The following LAMC1 variants were observed in gnomAD, a reference collection of about 807,000 sequenced individuals.
The protein encoded by LAMC1 is laminin subunit gamma 1, also known as laminin subunit gamma-1.
Under a neutral mutation model 173.6 loss-of-function variants are expected in LAMC1, and 38 were observed. The observed-to-expected ratio is 0.22, with a 90% confidence interval of 0.17 to 0.29. LAMC1 has a LOEUF of 0.29. Among genes scored for constraint, LAMC1 ranks in the 10% least tolerant of loss-of-function variants. The pLI, the probability that LAMC1 is intolerant of heterozygous loss-of-function variation, is 1.00. For synonymous variants in LAMC1, 746 were observed against 749.1 expected (o/e 1.00, Z 0.07); for missense variants, 1,824 against 2,051.8 (o/e 0.89, Z 2.14).
chr1:183,105,841 C>T (rs1367980643), intron 2 of LAMC1, among the ~76,000 whole-genome samples: 1 of 152,208 alleles, frequency 6.6e-6, no homozygotes, highest in Non-Finnish European at 1.5e-5. Flanking sequence ...CTAAACCTCC[C>T]TGCAGAAGCT....
intron 27 of LAMC1, chr1:183,140,715 A>C (rs1657090316): frequency 5.8e-6 from 2 of 344,220 alleles, no homozygotes; most frequent in Non-Finnish European, 1.0e-5. Flanking sequence ...AGGGTCTTTA[A>C]GAGCAACTTG....
At chr1:183,109,593 T>C (rs1296159395) in intron 3 of LAMC1, among the ~76,000 whole-genome samples, 1 of 152,198 alleles carries the variant, frequency 6.6e-6, no homozygotes, top group Non-Finnish European at 1.5e-5. Flanking sequence ...TCAAAGTTTG[T>C]GCAGCAGTCA....
intron 19 of LAMC1, 151 bp downstream of exon 19, chr1:183,130,700 C>T: frequency 1.6e-6 from 1 of 635,066 alleles, no homozygotes; most frequent in East Asian, 2.7e-5. Context: ...AGCCACATTG[C>T]TCATAGTTGG....
chr1:183,118,955 A>G (rs1656395341), intron 11 of LAMC1, among the ~76,000 whole-genome samples: 1 of 151,962 alleles, frequency 6.6e-6, no homozygotes, highest in South Asian at 2.1e-4. Flanking sequence ...CTGTGGTGCA[A>G]TAGCATGATC....
chr1:183,120,558 G>T (rs1009548942), intron 11 of LAMC1, among the ~76,000 whole-genome samples: 1 of 152,094 alleles, frequency 6.6e-6, no homozygotes, highest in African/African-American at 2.4e-5. Flanking sequence ...TGAAAAATAC[G>T]CTTTAAGCAT....
chr1:183,085,246 A>G (rs758602429), intron 1 of LAMC1, among the ~76,000 whole-genome samples: 1 of 151,508 alleles, frequency 6.6e-6, no homozygotes, highest in Non-Finnish European at 1.5e-5. Flanking sequence ...TTATGAAATC[A>G]TCCATTTGGG....
At chr1:183,137,147 A>G (rs1162323985) in intron 25 of LAMC1, among the ~76,000 whole-genome samples, 1 of 152,208 alleles carries the variant, frequency 6.6e-6, no homozygotes, top group Non-Finnish European at 1.5e-5. Context: ...AGAATTAGGT[A>G]TTTAAGAATC....
intron 6 of LAMC1, among the ~76,000 whole-genome samples, chr1:183,115,972 CA>C (rs886489800): frequency 6.6e-6 from 1 of 151,582 alleles, no homozygotes; most frequent in Non-Finnish European, 1.5e-5. Flanking sequence ...ACTAAAAATA[CA>C]AAAAAAATTA....
Position 183,140,245 on chromosome 1 carries a change from C to CA in LAMC1, c.4474-139dup, listed in dbSNP as rs56152259. Reference sequence around the variant, plus strand: ...ATATGAAGATATGCAGCAGCCCCACCAAAAAAAAAAAAAAAAAAAAGCAAT... The same window carrying CA: ...ATATGAAGATATGCAGCAGCCCCACCAAAAAAAAAAAAAAAAAAAAAGCAAT... On this transcript the variant is annotated intron_variant, in intron 26 of 27. Transcript: ENST00000258341. Among the ~76,000 whole-genome samples, 508 of 52,808 alleles carry CA rather than the reference C, an allele frequency of 9.6e-3. 22 individuals carry two copies. Among genetic ancestry groups the CA allele is most frequent in the African/African-American group, 0.013 (186 of 14,102 alleles). The allele number at this position is 52,808 out of a possible 152,430, so 34.6% of individuals were successfully genotyped here.
At chr1:183,042,477 TAC>T (rs1216820989) in intron 1 of LAMC1, among the ~76,000 whole-genome samples, 1 of 152,176 alleles carries the variant, frequency 6.6e-6, no homozygotes, top group African/African-American at 2.4e-5. Context: ...ACAGATCTAT[TAC>T]AGTGATGGAT....
chr1:183,096,268 C>T (rs575894106), intron 1 of LAMC1, among the ~76,000 whole-genome samples: 12 of 152,276 alleles, frequency 7.9e-5, no homozygotes, highest in East Asian at 7.7e-4. Flanking sequence ...ATAGAGATTA[C>T]GGATTTATCT....
At chr1:183,076,219 TC>T (rs1655116788) in intron 1 of LAMC1, among the ~76,000 whole-genome samples, 1 of 152,198 alleles carries the variant, frequency 6.6e-6, no homozygotes, top group African/African-American at 2.4e-5. Context: ...ATATGAAGAA[TC>T]CCATCACCCT....
rs56123159 is a variant in LAMC1, at chr1:183,131,462, T to TGTGTGTGTGTGTGTGTG, written c.3566+84_3566+85insGTGTGTGTGTGTGTGTG. ...GTGTGTGTGTGTGTGTGTGTGTGTA[T>TGTGTGTGTGTGTGTGTG]TGTCTTATCCCATAACCCATAAACA... On this transcript the variant is annotated intron_variant, in intron 20 of 27. Transcript: ENST00000258341. 53 of 837,996 alleles carry TGTGTGTGTGTGTGTGTG rather than the reference T, an allele frequency of 6.3e-5. 3 individuals are homozygous for TGTGTGTGTGTGTGTGTG. Among genetic ancestry groups the TGTGTGTGTGTGTGTGTG allele is most frequent in the African/African-American group, 1.1e-4 (6 of 54,410 alleles). 51.9% of individuals were successfully genotyped at this position (837,996 alleles called of 1,614,324 possible). A position where few individuals can be genotyped will look rare whatever the true frequency, so the allele number is the denominator to read the frequency against.
At chr1:183,083,158 C>T (rs1655332131) in intron 1 of LAMC1, among the ~76,000 whole-genome samples, 1 of 152,146 alleles carries the variant, frequency 6.6e-6, no homozygotes, top group Admixed American at 6.5e-5. Flanking sequence ...TTACATTATT[C>T]TGTTACCATC....
chr1:183,125,113 T>TA (rs1656585043), intron 14 of LAMC1: 2 of 592,834 alleles, frequency 3.4e-6, no homozygotes, highest in African/African-American at 1.9e-5. Flanking sequence ...TAATGTATTT[T>TA]ATTTAATATA....
chr1:183,136,601 TCTC>T lies in LAMC1; in HGVS notation c.4314+18_4314+20del. ...TGTCCAAAAGGTGTGCGTTTCCTCT[TCTC>T]CAAGAGTCCCTGCCCATATCTTTCT... On this transcript the variant is annotated intron_variant, in intron 25 of 27. Transcript: ENST00000258341. 1.3e-6 allele frequency: 2 copies of T among 1,564,870 alleles called. No homozygotes were observed. Among genetic ancestry groups the T allele is most frequent in the East Asian group, 4.7e-5 (2 of 42,788 alleles).
intron 1 of LAMC1, among the ~76,000 whole-genome samples, chr1:183,073,027 A>C (rs543782982): frequency 6.6e-6 from 1 of 152,368 alleles, no homozygotes; most frequent in South Asian, 2.1e-4. Context: ...GTGCACAATA[A>C]ATGTAATGTG....
chr1:183,084,384 C>T (rs1655371484), intron 1 of LAMC1, among the ~76,000 whole-genome samples: 2 of 151,814 alleles, frequency 1.3e-5, no homozygotes, highest in South Asian at 4.2e-4. Context: ...AACATCAGCA[C>T]TTTTAATTTT....
chr1:183,112,841 T>C (rs1656199266), intron 4 of LAMC1, among the ~76,000 whole-genome samples: 1 of 152,166 alleles, frequency 6.6e-6, no homozygotes, highest in Admixed American at 6.5e-5. Context: ...AAAAAAGTTT[T>C]CAGTTGTAAT....
Sources: allele counts gnomAD v4.1 joint callset (sites outside exome capture counted in the v4.1 genomes callset), GRCh38; gene constraint gnomAD v4.1.1; transcripts MANE v1.5; gene names NCBI Gene and HGNC (gene_info 2026-07-23, HGNC 2026-07-21).